GLDC: variants seen among roughly 807,000 people sequenced by gnomAD.
GLDC encodes glycine decarboxylase.
A neutral mutation model predicts 121.3 loss-of-function variants in GLDC; 104 were observed. That is an observed-to-expected ratio of 0.86 (90% confidence interval 0.73 to 1.01). The LOEUF is 1.01. Among genes scored for constraint, GLDC ranks in the 50% least tolerant of loss-of-function variants. GLDC has a pLI of 0.00. For missense variants in GLDC, 1,429 were observed against 1,306.6 expected (o/e 1.09, Z -1.44); for synonymous variants, 546 against 480.6 (o/e 1.14, Z -1.78).
chr9:6,573,935 A>C (rs1048185009), intron 15 of GLDC, among the ~76,000 whole-genome samples: 3 of 152,164 alleles, frequency 2.0e-5, no homozygotes, highest in African/African-American at 7.2e-5. Context: ...TAACCAGTGA[A>C]ACTCCATGTA....
intron 2 of GLDC, among the ~76,000 whole-genome samples, chr9:6,633,542 A>G (rs534954242): frequency 2.6e-5 from 4 of 152,210 alleles, no homozygotes; most frequent in South Asian, 4.1e-4. Context: ...CTGTTAATCA[A>G]TGACATCAAC....
Position 6,645,683 on chromosome 9 carries a change from T to G in GLDC, c.-184A>C. ...TGGGCGCTGCGCTCAACCAAGACACTCGCGCAAAGTTGTGGCTCCACCCAA... is the reference window on the plus strand; with the variant it reads ...TGGGCGCTGCGCTCAACCAAGACACGCGCGCAAAGTTGTGGCTCCACCCAA... On this transcript the variant is annotated 5_prime_UTR_variant, in exon 1 of 25. Transcript: ENST00000321612. 1 of 359,364 alleles carries G rather than the reference T, an allele frequency of 2.8e-6. No individual in the cohort carries two copies. The highest frequency in any genetic ancestry group is 4.6e-6 in the Non-Finnish European group (1 of 215,652). The allele number at this position is 359,364 out of a possible 1,614,324, so 22.3% of individuals were successfully genotyped here.
chr9:6,640,939 A>C (rs139383050), intron 2 of GLDC, among the ~76,000 whole-genome samples: 55 of 152,328 alleles, frequency 3.6e-4, no homozygotes, highest in African/African-American at 1.3e-3. Flanking sequence ...GTTGCCAGTG[A>C]CACATATCCT....
chr9:6,565,165 C>G (rs1178396178), intron 16 of GLDC, among the ~76,000 whole-genome samples, 189 bp downstream of exon 16: 2 of 152,216 alleles, frequency 1.3e-5, no homozygotes, highest in Non-Finnish European at 2.9e-5. Flanking sequence ...TGTTTTTCCT[C>G]AAAATGGTCA....
At chr9:6,582,510 G>T (rs546567139) in intron 15 of GLDC, among the ~76,000 whole-genome samples, 18 of 150,832 alleles carry the variant, frequency 1.2e-4, no homozygotes, top group Non-Finnish European at 2.4e-4. Flanking sequence ...AACAGAGCAG[G>T]GCTCCATCTC....
Position 6,639,625 on chromosome 9 carries a change from G to C in GLDC, c.334+4989C>G, listed in dbSNP as rs906406543. The C allele has an allele frequency of 1.9e-5, 12 of 638,928 alleles. No homozygotes were observed. The African/African-American group carries it at 2.6e-4, about 14-fold the overall frequency. 39.6% of individuals were successfully genotyped at this position (638,928 alleles called of 1,614,324 possible). On this transcript the variant is annotated intron_variant, in intron 2 of 24. Transcript: ENST00000321612. Reference sequence around the variant, plus strand: ...GGGATCATCTAAACTGAGTCCAGCTGCCTAATTCTAAATATATATATATCT... The same window carrying C: ...GGGATCATCTAAACTGAGTCCAGCTCCCTAATTCTAAATATATATATATCT...
At chr9:6,592,556 A>C (rs1818395913) in intron 10 of GLDC, among the ~76,000 whole-genome samples, 1 of 152,234 alleles carries the variant, frequency 6.6e-6, no homozygotes, top group Admixed American at 6.5e-5. Flanking sequence ...TATATCAGTT[A>C]TCAGAGCCTT....
At chr9:6,573,287 C>G (rs1365552228) in intron 15 of GLDC, among the ~76,000 whole-genome samples, 1 of 151,628 alleles carries the variant, frequency 6.6e-6, no homozygotes, top group Admixed American at 6.6e-5. Context: ...ATGGAGAAAC[C>G]CTGTCTCTAA....
At chr9:6,593,185 G>A in intron 9 of GLDC, 195 bp from the exon 10 acceptor site, 1 of 592,234 alleles carries the variant, frequency 1.7e-6, no homozygotes, top group Non-Finnish European at 3.0e-6. Flanking sequence ...ATATAAAAGA[G>A]TAAGGAAAAT....
Position 6,532,719 on chromosome 9 carries a change from A to G in GLDC, c.*298T>C. 2 of 397,316 alleles carry G rather than the reference A, an allele frequency of 5.0e-6. No homozygotes were observed. Among genetic ancestry groups the G allele is most frequent in the Non-Finnish European group, 9.5e-6 (2 of 210,518 alleles). 24.6% of individuals were successfully genotyped at this position (397,316 alleles called of 1,614,324 possible). On this transcript the variant is annotated 3_prime_UTR_variant, in exon 25 of 25. Coordinates refer to ENST00000321612, the MANE Select transcript of GLDC (RefSeq NM_000170.3). ...CCAGGATAGCCTCTATGACATCTGC[A>G]AACTTGCCACATTAAAAGTTAAAGT...
intron 4 of GLDC, among the ~76,000 whole-genome samples, chr9:6,609,341 A>G (rs1489936503): frequency 6.6e-6 from 1 of 152,216 alleles, no homozygotes; most frequent in Non-Finnish European, 1.5e-5. Context: ...TATATGTGTA[A>G]TAGACGAGAG....
intron 3 of GLDC, among the ~76,000 whole-genome samples, chr9:6,614,460 T>C (rs1818928704): frequency 6.6e-6 from 1 of 151,722 alleles, no homozygotes; most frequent in Non-Finnish European, 1.5e-5. Flanking sequence ...GGTCTCAAAC[T>C]CCTGGGCTCA....
intron 3 of GLDC, among the ~76,000 whole-genome samples, chr9:6,614,144 A>T (rs1419875171): frequency 6.6e-6 from 1 of 152,166 alleles, no homozygotes; most frequent in Non-Finnish European, 1.5e-5. Context: ...CAGAAAGAGC[A>T]TATCTGTCTG....
At chr9:6,580,050 G>A (rs1017037085) in intron 15 of GLDC, among the ~76,000 whole-genome samples, 1 of 152,160 alleles carries the variant, frequency 6.6e-6, no homozygotes, top group Non-Finnish European at 1.5e-5. Context: ...CAGAACTACG[G>A]AAGACCTGGC....
intron 24 of GLDC, among the ~76,000 whole-genome samples, chr9:6,534,368 G>T (rs1055309025): frequency 2.0e-5 from 3 of 149,632 alleles, no homozygotes; most frequent in African/African-American, 7.7e-5. Context: ...AGACTACACA[G>T]AACCTTCTCC....
intron 15 of GLDC, among the ~76,000 whole-genome samples, chr9:6,570,027 C>A (rs1817927236): frequency 6.6e-6 from 1 of 152,164 alleles, no homozygotes; most frequent in Non-Finnish European, 1.5e-5. Flanking sequence ...ACACCATAAG[C>A]AATTTCTCAG....
intron 20 of GLDC, 39 bp from the exon 21 acceptor site, chr9:6,550,953 G>C (rs1817501458): frequency 2.3e-6 from 3 of 1,321,240 alleles, no homozygotes; most frequent in African/African-American, 1.4e-5. Flanking sequence ...CCATTGAACA[G>C]GCAAACACGA....
intron 1 of GLDC, 125 bp downstream of exon 1, chr9:6,645,120 C>A (rs1819714596): frequency 1.0e-6 from 1 of 987,922 alleles, no homozygotes; most frequent in East Asian, 2.7e-5. Flanking sequence ...CGCCACGGCC[C>A]GGGACCCAGG....
chr9:6,611,295 C>T (rs1303388999), intron 3 of GLDC, among the ~76,000 whole-genome samples: 2 of 152,216 alleles, frequency 1.3e-5, no homozygotes, highest in Non-Finnish European at 2.9e-5. Flanking sequence ...CGAGAGCTAC[C>T]ACACCTCACC....
Sources: gnomAD v4.1 joint callset for allele counts (sites outside exome capture counted in the v4.1 genomes callset) on GRCh38, gnomAD v4.1.1 for gene constraint, MANE v1.5 for transcripts, NCBI Gene and HGNC (gene_info 2026-07-23, HGNC 2026-07-21) for gene names.